RRP36: variants seen among roughly 807,000 people sequenced by gnomAD.
RRP36 encodes the protein ribosomal RNA processing protein 36 homolog.
Under a neutral mutation model 39.8 loss-of-function variants are expected in RRP36, and 44 were observed. The observed-to-expected ratio is 1.10, with a 90% confidence interval of 0.87 to 1.42. The LOEUF is 1.42. Among genes scored for constraint, RRP36 ranks in the 40% most tolerant of loss-of-function variants. The pLI is 0.00. For synonymous variants in RRP36, 124 were observed against 123.1 expected (o/e 1.01, Z -0.05); for missense variants, 316 against 322.4 (o/e 0.98, Z 0.15).
chr6:43,024,971 C>G lies in RRP36; in HGVS notation c.131-14C>G. On this transcript the variant is annotated splice_polypyrimidine_tract_variant and intron_variant, in intron 1 of 6. Coordinates refer to ENST00000244496, the MANE Select transcript of RRP36 (RefSeq NM_033112.4). ...ATGCTGAGCTGAGTTGTATGTCCCT[C>G]CCCACTTCCACAGGCACATCTAACA... 1 of 1,613,116 alleles carries G rather than the reference C, an allele frequency of 6.2e-7. No individual in the cohort carries two copies. Among genetic ancestry groups the G allele is most frequent in the Non-Finnish European group, 8.5e-7 (1 of 1,179,976 alleles).
chr6:43,024,141 A>C (rs544578386), intron 1 of RRP36, among the ~76,000 whole-genome samples: 71 of 152,296 alleles, frequency 4.7e-4, no homozygotes, highest in Non-Finnish European at 9.6e-4. Context: ...GGCGTGAGCC[A>C]CCACACCTGG....
At chr6:43,022,394 A>G (rs1762735831) in intron 1 of RRP36, among the ~76,000 whole-genome samples, 1 of 151,814 alleles carries the variant, frequency 6.6e-6, no homozygotes. Flanking sequence ...CACTGCGCCC[A>G]GCCTGTTTTT....
chr6:43,024,935 T>C, intron 1 of RRP36, 50 bp from the exon 2 acceptor site: 1 of 1,604,824 alleles, frequency 6.2e-7, no homozygotes, highest in Non-Finnish European at 8.5e-7. Flanking sequence ...ATGTCTTTTC[T>C]GCAGTGGGAC....
rs1336309190 is a variant in RRP36 at position 43,025,015 on chromosome 6, T to G, written c.161T>G (p.Leu54Trp). 1 of 1,613,972 alleles carries G rather than the reference T, an allele frequency of 6.2e-7. No individual in the cohort carries two copies. Among genetic ancestry groups the G allele is most frequent in the Non-Finnish European group, 8.5e-7 (1 of 1,180,042 alleles). Residue 54 changes from leucine to tryptophan, a missense_variant, in exon 2 of 7, where the codon TTG becomes TGG. Transcript: ENST00000244496. ...TCTAACATGTCATTTGAGGAGCTGTTGGAATTGCAGAGCCAAGTGGGGACT... is the reference window on the plus strand; with the variant it reads ...TCTAACATGTCATTTGAGGAGCTGTGGGAATTGCAGAGCCAAGTGGGGACT... ...GTSNMSFEEL[L>W]ELQSQVGTKT...
At position 43,021,738 on chromosome 6, in the gene RRP36, C is replaced by T; in HGVS notation, c.84C>T (p.Asp28=). ...GCGGGGCCCGGGACCGCGAGGAGGACGGCGGGGGCCTGGAGCCCGCGGCCG... is the reference window on the plus strand; with the variant it reads ...GCGGGGCCCGGGACCGCGAGGAGGATGGCGGGGGCCTGGAGCCCGCGGCCG... ...RPRGARDREE[D]GGGLEPAAVA... Residue 28 remains aspartate (D), a synonymous_variant, in exon 1 of 7, where the codon GAC becomes GAT. Transcript: ENST00000244496. 3 of 1,052,122 alleles carry T rather than the reference C, an allele frequency of 2.9e-6. No individual in the cohort carries two copies. The highest frequency in any genetic ancestry group is 3.4e-6 in the Non-Finnish European group (3 of 873,856). The allele number at this position is 1,052,122 out of a possible 1,614,324, so 65.2% of individuals were successfully genotyped here. A position where few individuals can be genotyped will look rare whatever the true frequency, so the allele number is the denominator to read the frequency against.
chr6:43,022,832 C>T (rs1342954394), intron 1 of RRP36, among the ~76,000 whole-genome samples: 2 of 151,644 alleles, frequency 1.3e-5, no homozygotes, highest in East Asian at 3.9e-4. Flanking sequence ...GGGGTTTCAC[C>T]GTGTTAGCCA....
chr6:43,025,360 C>T lies in RRP36; in HGVS notation c.345+31C>T, dbSNP rs200157052. 396 of 1,604,732 alleles carry T rather than the reference C, an allele frequency of 2.5e-4. 1 individual carries two copies. In the African/African-American group the frequency reaches 4.6e-3, roughly 19 times the overall value. ...GAAGAAGGCCAGGCACTGTGGCTCA[C>T]GCCTGTAATCCCAGCACTTTGGGAG... On this transcript the variant is annotated intron_variant, in intron 3 of 6. Transcript: ENST00000244496.
Position 43,021,633 on chromosome 6 carries a change from T to C in RRP36, c.-22T>C, listed in dbSNP as rs748340300. The C allele has an allele frequency of 1.7e-4, 213 of 1,282,774 alleles. No individual in the cohort carries two copies. Among genetic ancestry groups the C allele is most frequent in the Non-Finnish European group, 2.0e-4 (199 of 1,013,792 alleles). 79.5% of individuals were successfully genotyped at this position (1,282,774 alleles called of 1,614,324 possible). ...GTGAGCGGAAGCGGCGCCATTCGTC[T>C]TCCGAGCGCTACTGCCAGCTGATGC... On this transcript the variant is annotated 5_prime_UTR_variant, in exon 1 of 7. Coordinates refer to ENST00000244496, the MANE Select transcript of RRP36 (RefSeq NM_033112.4).
chr6:43,022,898 T>C (rs1291612571), intron 1 of RRP36, among the ~76,000 whole-genome samples: 1 of 152,070 alleles, frequency 6.6e-6, no homozygotes, highest in Non-Finnish European at 1.5e-5. Context: ...CCCAAAGTGC[T>C]GGGATTACAG....
At chr6:43,028,914 C>G (rs573862027) in intron 6 of RRP36, among the ~76,000 whole-genome samples, 178 bp from the exon 7 acceptor site, 1 of 152,110 alleles carries the variant, frequency 6.6e-6, no homozygotes, top group Admixed American at 6.6e-5. Context: ...GATCGCGTCA[C>G]TGCACTCCAG....
intron 3 of RRP36, among the ~76,000 whole-genome samples, chr6:43,025,659 C>T (rs910351920): frequency 4.8e-4 from 71 of 149,238 alleles, no homozygotes; most frequent in African/African-American, 1.7e-3. Flanking sequence ...AGGCCGGGCG[C>T]AGTGGCTCAT....
chr6:43,021,669 C>T lies in RRP36; in HGVS notation c.15C>T (p.Asn5=). The T allele has an allele frequency of 7.9e-7, 1 of 1,261,104 alleles. No homozygotes were observed. Among genetic ancestry groups the T allele is most frequent in the Middle Eastern group, 3.1e-4 (1 of 3,230 alleles). 78.1% of individuals were successfully genotyped at this position (1,261,104 alleles called of 1,614,324 possible). MPGA[N]YRAGAGAGAG... is the part of the protein sequence containing the mutation. ...ACTGCCAGCTGATGCCGGGAGCTAA[C>T]TACCGCGCCGGGGCCGGGGCCGGGG... The change falls in exon 1 of 7, where the codon AAC becomes AAT. Residue 5 remains asparagine (N), a synonymous_variant. Transcript: ENST00000244496.
chr6:43,021,636 C>G lies in RRP36; in HGVS notation c.-19C>G, dbSNP rs773268180. 3.1e-6 allele frequency: 4 copies of G among 1,284,522 alleles called. No individual in the cohort carries two copies. The highest frequency in any genetic ancestry group is 3.9e-6 in the Non-Finnish European group (4 of 1,014,780). The allele number at this position is 1,284,522 out of a possible 1,614,324, so 79.6% of individuals were successfully genotyped here. A position where few individuals can be genotyped will look rare whatever the true frequency, so the allele number is the denominator to read the frequency against. On this transcript the variant is annotated 5_prime_UTR_variant, in exon 1 of 7. Coordinates refer to ENST00000244496, the MANE Select transcript of RRP36 (RefSeq NM_033112.4). ...AGCGGAAGCGGCGCCATTCGTCTTC[C>G]GAGCGCTACTGCCAGCTGATGCCGG...
At chr6:43,026,476 C>T (rs1463904998) in intron 4 of RRP36, among the ~76,000 whole-genome samples, 1 of 151,746 alleles carries the variant, frequency 6.6e-6, no homozygotes, top group African/African-American at 2.4e-5. Flanking sequence ...GTTCCAAGAC[C>T]AGCCTGGCCA....
chr6:43,025,881 C>T (rs988913759), intron 3 of RRP36, among the ~76,000 whole-genome samples, 156 bp from the exon 4 acceptor site: 15 of 151,766 alleles, frequency 9.9e-5, no homozygotes, highest in South Asian at 2.1e-4. Flanking sequence ...TGCAGTGAGC[C>T]GAGATTGCAC....
Position 43,027,762 on chromosome 6 carries a change from TACACACACACACAC to T in RRP36, c.643+309_643+322del, listed in dbSNP as rs57851236. Among the ~76,000 whole-genome samples the T allele has an allele frequency of 1.9e-3, 152 of 81,690 alleles. 1 individual carries two copies. Among genetic ancestry groups the T allele is most frequent in the Non-Finnish European group, 1.4e-3 (63 of 44,286 alleles). 53.6% of individuals were successfully genotyped at this position (81,690 alleles called of 152,430 possible). ...GTGAGTTTTATCTCTTGGTCTACAC[TACACACACACACAC>T]ACACACACACACACACACACACAAA... On this transcript the variant is annotated intron_variant, in intron 6 of 6. Coordinates refer to ENST00000244496, the MANE Select transcript of RRP36 (RefSeq NM_033112.4).
In RRP36 at chr6:43,021,705, A is replaced by G. The variant is rs1203252136; in HGVS notation, c.51A>G (p.Arg17=). 8.4e-7 allele frequency: 1 copy of G among 1,188,908 alleles called. No homozygotes were observed. Among genetic ancestry groups the G allele is most frequent in the East Asian group, 3.6e-5 (1 of 27,914 alleles). 73.6% of individuals were successfully genotyped at this position (1,188,908 alleles called of 1,614,324 possible). ...RAGAGAGAGA[R]RPRGARDREE... is the part of the protein sequence containing the mutation. ...GGGCCGGGGCCGGGGCCGGGGCCCG[A>G]CGTCCCCGCGGGGCCCGGGACCGCG... The change falls in exon 1 of 7, where the codon CGA becomes CGG. Residue 17 remains arginine (R), a synonymous_variant. Transcript: ENST00000244496.
intron 1 of RRP36, 145 bp downstream of exon 1, chr6:43,021,929 TG>T (rs3833661): frequency 0.17 from 91,070 of 530,648 alleles, 13,695 homozygotes; most frequent in African/African-American, 0.58. Context: ...CAGTGGAAAG[TG>T]GGGGGTGAGA....
At chr6:43,029,065 C>G (rs1226246428) in intron 6 of RRP36, 27 bp from the exon 7 acceptor site, 2 of 1,612,628 alleles carry the variant, frequency 1.2e-6, no homozygotes, top group South Asian at 1.1e-5. Flanking sequence ...TCTTTGTTCA[C>G]CAACTTTCAT....
Sources: gnomAD v4.1 joint callset for allele counts (sites outside exome capture counted in the v4.1 genomes callset) on GRCh38, gnomAD v4.1.1 for gene constraint, MANE v1.5 for transcripts, NCBI Gene and HGNC (gene_info 2026-07-23, HGNC 2026-07-21) for gene names.